The following SLC44A5 variants were observed in gnomAD, a reference collection of about 807,000 sequenced individuals.
SLC44A5 encodes solute carrier family 44 member 5, also known as choline transporter-like protein 5.
A neutral mutation model predicts 101.8 loss-of-function variants in SLC44A5; 57 were observed. That is an observed-to-expected ratio of 0.56 (90% CI 0.45 to 0.70). The LOEUF (loss-of-function observed/expected upper bound fraction) is 0.70. Among genes scored for constraint, SLC44A5 ranks in the 30% least tolerant of loss-of-function variants. SLC44A5 has a pLI of 0.00. For missense variants in SLC44A5, 737 were observed against 853.1 expected (o/e 0.86, Z 1.70); for synonymous variants, 281 against 290.9 (o/e 0.97, Z 0.35).
chr1:75,300,041 A>T (rs994907260), intron 5 of SLC44A5, among the ~76,000 whole-genome samples: 4 of 144,412 alleles, frequency 2.8e-5, no homozygotes, highest in Non-Finnish European at 4.6e-5. Flanking sequence ...AAAAAAAAAA[A>T]TTTCAAATAA....
At chr1:75,293,026 T>C (rs1055295025) in intron 5 of SLC44A5, among the ~76,000 whole-genome samples, 11 of 152,218 alleles carry the variant, frequency 7.2e-5, no homozygotes, top group African/African-American at 2.7e-4. Context: ...CCACTTTAAG[T>C]GAAGCTGACT....
chr1:75,489,943 T>G (rs1245992750), intron 2 of SLC44A5, among the ~76,000 whole-genome samples: 1 of 152,112 alleles, frequency 6.6e-6, no homozygotes, highest in East Asian at 1.9e-4. Flanking sequence ...GAGGTGATAT[T>G]ATTATATGTT....
At chr1:75,711,708 G>T in the SLC44A5 span, among the ~76,000 whole-genome samples, 1 of 152,220 alleles carries the variant, frequency 6.6e-6, no homozygotes, top group Non-Finnish European at 1.5e-5. Flanking sequence ...TCAGGCAAGA[G>T]ATGTGGGGGT....
chr1:75,610,936 T>C (rs1367562639), intron 1 of SLC44A5, 104 bp downstream of exon 1: 1 of 246,608 alleles, frequency 4.1e-6, no homozygotes, highest in African/African-American at 2.3e-5. Flanking sequence ...TATGTGTGTG[T>C]GTGTGTGTAT....
At chr1:75,661,387 TAAAAAA>T in the SLC44A5 span, among the ~76,000 whole-genome samples, 5 of 53,596 alleles carry the variant, frequency 9.3e-5, no homozygotes, top group African/African-American at 1.7e-4. Flanking sequence ...CTACTGCAAG[TAAAAAA>T]AAAAAAAAAA....
At chr1:75,611,658 C>A (rs1675662682), upstream of SLC44A5, among the ~76,000 whole-genome samples, 1 of 152,180 alleles carries the variant, frequency 6.6e-6, no homozygotes, top group South Asian at 2.1e-4. Context: ...TTTATTGTTA[C>A]AAATGCTTCA....
intron 2 of SLC44A5, among the ~76,000 whole-genome samples, chr1:75,471,140 C>CA (rs1553186104): frequency 6.6e-6 from 1 of 151,646 alleles, no homozygotes; most frequent in East Asian, 1.9e-4. Flanking sequence ...ATTTTTTAAC[C>CA]TTTTTTTTAC....
chr1:75,389,807 T>C (rs1352529138), intron 3 of SLC44A5, among the ~76,000 whole-genome samples: 1 of 151,980 alleles, frequency 6.6e-6, no homozygotes, highest in Non-Finnish European at 1.5e-5. Flanking sequence ...AATAAATTAC[T>C]AAAATCAGAA....
chr1:75,329,047 T>C (rs1035021612), intron 4 of SLC44A5, among the ~76,000 whole-genome samples: 15 of 152,206 alleles, frequency 9.9e-5, no homozygotes, highest in African/African-American at 3.6e-4. Context: ...ACCTGGGCGA[T>C]GAAATAATCT....
chr1:75,497,226 G>C (rs1176477469), intron 2 of SLC44A5, among the ~76,000 whole-genome samples: 1 of 151,986 alleles, frequency 6.6e-6, no homozygotes, highest in African/African-American at 2.4e-5. Flanking sequence ...CAAAATATGG[G>C]AACAACCTAA....
chr1:75,494,381 C>T (rs1668568079), intron 2 of SLC44A5, among the ~76,000 whole-genome samples: 1 of 152,158 alleles, frequency 6.6e-6, no homozygotes, highest in African/African-American at 2.4e-5. Context: ...ACCTGGACCA[C>T]ACATGTAGCA....
At chr1:75,298,568 C>T (rs1406631766) in intron 5 of SLC44A5, among the ~76,000 whole-genome samples, 1 of 151,938 alleles carries the variant, frequency 6.6e-6, no homozygotes, top group African/African-American at 2.4e-5. Flanking sequence ...TTTTCCCACT[C>T]TATATAAGGA....
chr1:75,279,730 G>T (rs894011070), intron 5 of SLC44A5, among the ~76,000 whole-genome samples: 1 of 150,690 alleles, frequency 6.6e-6, no homozygotes, highest in Non-Finnish European at 1.5e-5. Flanking sequence ...AACTTATAAA[G>T]TGTATGTTTG....
At chr1:75,639,881 C>T in the SLC44A5 span, among the ~76,000 whole-genome samples, 3 of 152,000 alleles carry the variant, frequency 2.0e-5, no homozygotes, top group East Asian at 5.8e-4. Context: ...ATTTGGCTGG[C>T]CTCAGCCTTG....
At chr1:75,519,783 A>G (rs1447959559) in intron 2 of SLC44A5, among the ~76,000 whole-genome samples, 2 of 152,240 alleles carry the variant, frequency 1.3e-5, no homozygotes, top group African/African-American at 4.8e-5. Flanking sequence ...CTTTGCTCTG[A>G]GTCAACTAAA....
At chr1:75,598,921 T>G (rs1484876483) in intron 1 of SLC44A5, among the ~76,000 whole-genome samples, 1 of 152,134 alleles carries the variant, frequency 6.6e-6, no homozygotes, top group Non-Finnish European at 1.5e-5. Context: ...ACCCCAAGCT[T>G]AAAATAAAAA....
At chr1:75,314,371 A>G (rs549509554) in intron 4 of SLC44A5, among the ~76,000 whole-genome samples, 25 of 152,334 alleles carry the variant, frequency 1.6e-4, no homozygotes, top group Admixed American at 3.9e-4. Flanking sequence ...CGCCAGCATC[A>G]TCTTTCATAT....
chr1:75,450,140 C>T (rs558316296), intron 2 of SLC44A5, among the ~76,000 whole-genome samples: 11 of 152,242 alleles, frequency 7.2e-5, no homozygotes, highest in East Asian at 1.9e-4. Flanking sequence ...AAACTTCCCC[C>T]GTGACACCAA....
the SLC44A5 span, among the ~76,000 whole-genome samples, chr1:75,661,884 G>A: frequency 5.9e-5 from 9 of 151,940 alleles, no homozygotes; most frequent in South Asian, 2.1e-4. Flanking sequence ...GGGAATGCTC[G>A]TGCATGGTTG....
Sources: gnomAD v4.1 joint callset for allele counts (sites outside exome capture counted in the v4.1 genomes callset) on GRCh38, gnomAD v4.1.1 for gene constraint, MANE v1.5 for transcripts, NCBI Gene and HGNC (gene_info 2026-07-23, HGNC 2026-07-21) for gene names.